SGCD: variants seen among roughly 807,000 people sequenced by gnomAD.
SGCD encodes delta-sarcoglycan.
In SGCD, 18 loss-of-function variants were observed where a neutral mutation model predicts 36.6. The observed-to-expected ratio is 0.49, with a 90% CI of 0.34 to 0.73. The LOEUF is 0.73. Ranked by LOEUF, SGCD falls within the 30% of genes least tolerant of loss-of-function variation. The pLI, the probability that SGCD is intolerant of heterozygous loss-of-function variation, is 0.01. For missense variants in SGCD, 387 were observed against 346.7 expected, an observed-to-expected ratio of 1.12 and a Z score of -0.92; for synonymous variants, 133 against 130.6, an observed-to-expected ratio of 1.02 and a Z score of -0.12.
At chr5:156,313,079 C>T (rs919654204) in intron 3 of SGCD, among the ~76,000 whole-genome samples, 1 of 151,806 alleles carries the variant, frequency 6.6e-6, no homozygotes, top group Non-Finnish European at 1.5e-5. Flanking sequence ...TAGCTTTGTC[C>T]CTCATGGCTT....
chr5:156,023,165 T>C (rs1248116436), intron 1 of SGCD, among the ~76,000 whole-genome samples: 1 of 152,232 alleles, frequency 6.6e-6, no homozygotes, highest in Non-Finnish European at 1.5e-5. Context: ...TTGGGACTCT[T>C]AGGAGGATTA....
chr5:156,161,597 C>T (rs1763088410), intron 3 of SGCD, among the ~76,000 whole-genome samples: 2 of 151,852 alleles, frequency 1.3e-5, no homozygotes, highest in Non-Finnish European at 2.9e-5. Flanking sequence ...ATATGTTGGA[C>T]ACCTAAACCC....
intron 7 of SGCD, among the ~76,000 whole-genome samples, chr5:156,740,797 G>A (rs891380540): frequency 6.6e-6 from 1 of 152,124 alleles, no homozygotes; most frequent in Admixed American, 6.5e-5. Flanking sequence ...AATTTGTGTG[G>A]GTTGTGACCC....
intron 3 of SGCD, among the ~76,000 whole-genome samples, chr5:156,464,937 C>G (rs1448951660): frequency 6.6e-6 from 1 of 152,108 alleles, no homozygotes; most frequent in Non-Finnish European, 1.5e-5. Flanking sequence ...CGGCATTTTT[C>G]TATAGTTGAA....
At chr5:156,023,710 T>G (rs946119639) in intron 1 of SGCD, among the ~76,000 whole-genome samples, 3 of 152,226 alleles carry the variant, frequency 2.0e-5, no homozygotes, top group Non-Finnish European at 4.4e-5. Flanking sequence ...ATCTCAGTAA[T>G]GCTAGCAAGG....
chr5:156,223,037 T>A (rs957271589), intron 3 of SGCD, among the ~76,000 whole-genome samples: 4 of 152,088 alleles, frequency 2.6e-5, no homozygotes, highest in Admixed American at 2.6e-4. Context: ...TTTTTCTGGA[T>A]GTAAATAACA....
intron 3 of SGCD, among the ~76,000 whole-genome samples, chr5:156,176,611 G>A (rs192057008): frequency 6.6e-6 from 1 of 152,198 alleles, no homozygotes; most frequent in East Asian, 1.9e-4. Context: ...GAGCTCATAT[G>A]TTTATCATTC....
At chr5:155,881,510 G>A (rs974159429) in intron 1 of SGCD, among the ~76,000 whole-genome samples, 3 of 152,178 alleles carry the variant, frequency 2.0e-5, no homozygotes, top group African/African-American at 7.2e-5. Context: ...CCTTCAGTGA[G>A]TAGTAATCTT....
intron 3 of SGCD, among the ~76,000 whole-genome samples, chr5:156,401,811 C>T (rs1389206835): frequency 6.6e-6 from 1 of 152,086 alleles, no homozygotes; most frequent in Non-Finnish European, 1.5e-5. Context: ...TAACCATTTT[C>T]AAGTATATAG....
intron 3 of SGCD, among the ~76,000 whole-genome samples, chr5:156,302,983 G>A (rs1767094604): frequency 6.6e-6 from 1 of 152,220 alleles, no homozygotes; most frequent in Admixed American, 6.5e-5. Context: ...TACCACAGAT[G>A]TTTACTCAAG....
In SGCD at chr5:156,700,267, TCTCTGTTGTACC is replaced by T. The variant is rs200517399; in HGVS notation, c.575+52735_575+52746del. On this transcript the variant is annotated intron_variant, in intron 7 of 8. Coordinates refer to ENST00000337851, the MANE Select transcript of SGCD (RefSeq NM_000337.6). ...ATCCTCCAACATGTCTTCGGTCTGT[TCTCTGTTGTACC>T]CTCCAAGAAAGCTACTGCATACCTC... 4.5e-4 allele frequency among the ~76,000 whole-genome samples: 69 copies of T among 152,326 alleles called. 1 individual carries two copies. The East Asian group carries it at 0.012, about 27-fold the overall frequency.
chr5:156,704,409 A>G (rs1754657380), intron 7 of SGCD: 1 of 152,148 alleles, frequency 6.6e-6, no homozygotes, highest in Non-Finnish European at 1.5e-5. Context: ...TAGATTTGCC[A>G]AGGAAAGGTC....
intron 4 of SGCD, among the ~76,000 whole-genome samples, chr5:156,561,602 T>C (rs1403515395): frequency 6.6e-6 from 1 of 152,186 alleles, no homozygotes; most frequent in Non-Finnish European, 1.5e-5. Flanking sequence ...GTCACCTGCT[T>C]TTCTGAAGGT....
intron 1 of SGCD, among the ~76,000 whole-genome samples, chr5:155,935,356 T>C (rs111464927): frequency 2.2e-3 from 334 of 152,318 alleles, no homozygotes; most frequent in Admixed American, 2.5e-3. Context: ...TTGGTTTCTT[T>C]CCCCTGGCTG....
At chr5:156,087,641 A>G (rs1160540513) in intron 1 of SGCD, among the ~76,000 whole-genome samples, 14 of 54,816 alleles carry the variant, frequency 2.6e-4, no homozygotes, top group African/African-American at 4.0e-4. Context: ...ACTCCATCTC[A>G]AAAAAAAAAA....
chr5:156,132,181 T>G (rs2436423), intron 3 of SGCD, among the ~76,000 whole-genome samples: 1 of 151,874 alleles, frequency 6.6e-6, no homozygotes, highest in African/African-American at 2.4e-5. Flanking sequence ...GGTGGGGAGA[T>G]GGGTGACTTG....
intron 4 of SGCD, among the ~76,000 whole-genome samples, chr5:156,538,858 G>C (rs1312762372): frequency 6.6e-6 from 1 of 152,054 alleles, no homozygotes; most frequent in Non-Finnish European, 1.5e-5. Flanking sequence ...AAATTTCTTT[G>C]TTCCAGTATT....
At chr5:156,034,457 A>G (rs1295210615) in intron 1 of SGCD, among the ~76,000 whole-genome samples, 2 of 152,212 alleles carry the variant, frequency 1.3e-5, no homozygotes, top group African/African-American at 2.4e-5. Flanking sequence ...TTTCCCACAT[A>G]TGAATGTGGC....
chr5:156,730,589 G>A (rs944143148), intron 7 of SGCD, among the ~76,000 whole-genome samples: 3 of 152,134 alleles, frequency 2.0e-5, no homozygotes, highest in East Asian at 1.9e-4. Context: ...ATTCCATGGT[G>A]TATATGTTCC....
Sources: allele counts gnomAD v4.1 joint callset (sites outside exome capture counted in the v4.1 genomes callset), GRCh38; gene constraint gnomAD v4.1.1; transcripts MANE v1.5; gene names NCBI Gene and HGNC (gene_info 2026-07-23, HGNC 2026-07-21).